The following HPSE2 variants were observed in gnomAD, a reference collection of about 807,000 sequenced individuals.
HPSE2 encodes the protein heparanase 2 (inactive).
Under a neutral mutation model 60.5 loss-of-function variants are expected in HPSE2, and 38 were observed. That is an observed-to-expected ratio of 0.63 (90% confidence interval 0.48 to 0.82). The LOEUF (loss-of-function observed/expected upper bound fraction) is 0.82. HPSE2 is among the 40% of genes least tolerant of loss of function. HPSE2 has a pLI of 0.00. For missense variants in HPSE2, 713 were observed against 740.4 expected (o/e 0.96, Z 0.43); for synonymous variants, 295 against 293.2 (o/e 1.01, Z -0.06).
chr10:98,879,887 G>GT (rs1554835526), intron 3 of HPSE2, among the ~76,000 whole-genome samples: 1 of 145,398 alleles, frequency 6.9e-6, no homozygotes, highest in East Asian at 2.0e-4. Flanking sequence ...GTGTGTGTGT[G>GT]ATGTGTTTCT....
intron 7 of HPSE2, among the ~76,000 whole-genome samples, chr10:98,633,225 G>T (rs1303745291): frequency 6.6e-6 from 1 of 151,660 alleles, no homozygotes; most frequent in Non-Finnish European, 1.5e-5. Context: ...TGGAAACAGG[G>T]TCTTGTTTTG....
chr10:98,738,721 A>G (rs1313921360), intron 4 of HPSE2, among the ~76,000 whole-genome samples: 1 of 152,230 alleles, frequency 6.6e-6, no homozygotes, highest in African/African-American at 2.4e-5. Flanking sequence ...ATATGAAAAA[A>G]CGCTCATCAT....
chr10:98,626,528 C>A (rs975445133), intron 7 of HPSE2, among the ~76,000 whole-genome samples: 2 of 152,004 alleles, frequency 1.3e-5, no homozygotes, highest in Non-Finnish European at 2.9e-5. Context: ...CCACTCATAC[C>A]CACGCCCATA....
intron 9 of HPSE2, among the ~76,000 whole-genome samples, chr10:98,559,991 A>G (rs1323634699): frequency 6.6e-6 from 1 of 152,154 alleles, no homozygotes; most frequent in African/African-American, 2.4e-5. Flanking sequence ...AGCAGTGGGA[A>G]GTTAGGGTGG....
intron 3 of HPSE2, among the ~76,000 whole-genome samples, chr10:98,868,465 G>C (rs1952649563): frequency 1.3e-5 from 2 of 152,010 alleles, no homozygotes; most frequent in Non-Finnish European, 2.9e-5. Context: ...GTAGTCAATA[G>C]TAATTAAATC....
intron 2 of HPSE2, 131 bp downstream of exon 2, chr10:99,232,217 A>G (rs879285484): frequency 0.27 from 40,925 of 150,012 alleles, 2,113 homozygotes; most frequent in Admixed American, 0.4. Context: ...GCGCGCATAC[A>G]CACACACACA....
At chr10:98,553,538 G>C (rs981367669) in intron 9 of HPSE2, among the ~76,000 whole-genome samples, 1 of 152,064 alleles carries the variant, frequency 6.6e-6, no homozygotes, top group Non-Finnish European at 1.5e-5. Context: ...CTTTTTGCAC[G>C]GAACACACCT....
intron 9 of HPSE2, among the ~76,000 whole-genome samples, chr10:98,545,686 C>CA (rs1392648131): frequency 6.6e-5 from 10 of 151,952 alleles, no homozygotes; most frequent in Non-Finnish European, 1.0e-4. Context: ...GACAAACCCA[C>CA]GCCAATATCA....
chr10:99,235,479 A>C, intron 1 of HPSE2, 34 bp downstream of exon 1: 1 of 1,611,744 alleles, frequency 6.2e-7, no homozygotes, highest in Non-Finnish European at 8.5e-7. Context: ...GTTACTAAAA[A>C]ATTTTAAATG....
chr10:98,818,020 A>T (rs539461088), intron 3 of HPSE2, among the ~76,000 whole-genome samples: 3 of 152,312 alleles, frequency 2.0e-5, no homozygotes, highest in African/African-American at 7.2e-5. Context: ...TGGCCCCACC[A>T]ATCAGCATAT....
intron 3 of HPSE2, among the ~76,000 whole-genome samples, chr10:98,863,331 G>A (rs551155941): frequency 6.6e-6 from 1 of 152,014 alleles, no homozygotes; most frequent in Non-Finnish European, 1.5e-5. Flanking sequence ...GAAAACAGGA[G>A]TAGACCTGGC....
intron 2 of HPSE2, among the ~76,000 whole-genome samples, chr10:99,172,639 A>G (rs1328490837): frequency 6.6e-6 from 1 of 152,158 alleles, no homozygotes; most frequent in African/African-American, 2.4e-5. Flanking sequence ...GGGCTTTGGG[A>G]GGCCAGGGTG....
At chr10:98,620,022 G>A (rs967772208) in intron 8 of HPSE2, among the ~76,000 whole-genome samples, 3 of 152,186 alleles carry the variant, frequency 2.0e-5, no homozygotes, top group South Asian at 2.1e-4. Flanking sequence ...TTTCTCATCC[G>A]TAAATGGGAT....
the HPSE2 span, among the ~76,000 whole-genome samples, chr10:99,263,946 C>A: frequency 6.6e-6 from 1 of 152,224 alleles, no homozygotes; most frequent in African/African-American, 2.4e-5. Flanking sequence ...TACTTTCACC[C>A]TGATGAAGTC....
rs1564816573 is a variant in HPSE2 at position 99,112,415 on chromosome 10, G to GTTT, written c.610+31822_610+31823insAAA. Among the ~76,000 whole-genome samples the GTTT allele has an allele frequency of 1.9e-3, 260 of 136,012 alleles. 1 individual carries two copies. Among genetic ancestry groups the GTTT allele is most frequent in the Middle Eastern group, 0.011 (3 of 262 alleles). The allele number at this position is 136,012 out of a possible 152,430, so 89.2% of individuals were successfully genotyped here. On this transcript the variant is annotated intron_variant, in intron 3 of 11. Coordinates refer to ENST00000370552, the MANE Select transcript of HPSE2 (RefSeq NM_021828.5). The stretch of plus-strand genomic sequence containing the variant: ...CCACCATGCCCGGCTTTTTTTTGTT[G>GTTT]TGTTTTGTTTTGTTTTGTTTTGTTT...
chr10:98,524,815 C>T (rs1942910854), intron 9 of HPSE2, among the ~76,000 whole-genome samples: 1 of 152,148 alleles, frequency 6.6e-6, no homozygotes, highest in South Asian at 2.1e-4. Context: ...TTGCATATAA[C>T]AAATGCTCTT....
At chr10:98,993,872 A>G (rs1460423190) in intron 3 of HPSE2, among the ~76,000 whole-genome samples, 1 of 152,238 alleles carries the variant, frequency 6.6e-6, no homozygotes, top group Non-Finnish European at 1.5e-5. Flanking sequence ...AAAATTATAC[A>G]TGGTGTCCTA....
intron 6 of HPSE2, among the ~76,000 whole-genome samples, chr10:98,676,919 CT>C (rs11299882): frequency 0.35 from 51,012 of 144,732 alleles, 8,901 homozygotes; most frequent in Admixed American, 0.41. Context: ...CATTTTCTCT[CT>C]TTTTTTTTTT....
At chr10:98,846,267 C>T (rs1952032438) in intron 3 of HPSE2, among the ~76,000 whole-genome samples, 1 of 152,170 alleles carries the variant, frequency 6.6e-6, no homozygotes, top group Admixed American at 6.5e-5. Flanking sequence ...GCCCTGCCTG[C>T]CTACTTCCTG....
Sources: allele counts gnomAD v4.1 joint callset (sites outside exome capture counted in the v4.1 genomes callset), GRCh38; gene constraint gnomAD v4.1.1; transcripts MANE v1.5; gene names NCBI Gene and HGNC (gene_info 2026-07-23, HGNC 2026-07-21).